KPNA4: variants seen among roughly 807,000 people sequenced by gnomAD.
The protein encoded by KPNA4 is karyopherin subunit alpha 4.
A neutral mutation model predicts 71.3 loss-of-function variants in KPNA4; 13 were observed. The observed-to-expected ratio is 0.18, with a 90% CI of 0.12 to 0.29. The LOEUF (loss-of-function observed/expected upper bound fraction) is 0.29, where lower values mean the gene tolerates loss of function less well. Ranked by LOEUF, KPNA4 falls within the 10% of genes least tolerant of loss-of-function variation. The probability of loss-of-function intolerance (pLI) is 1.00; values close to 1 mark genes in which losing one functional copy is unlikely to be tolerated. For synonymous variants in KPNA4, 189 were observed against 195.2 expected (o/e 0.97, Z 0.26); for missense variants, 334 against 603.2 (o/e 0.55, Z 4.67).
intron 15 of KPNA4, among the ~76,000 whole-genome samples, chr3:160,505,286 T>C (rs1199677089): frequency 6.6e-6 from 1 of 152,128 alleles, no homozygotes; most frequent in Non-Finnish European, 1.5e-5. Flanking sequence ...TACAAATAAG[T>C]GTATAAATAA....
In KPNA4 at chr3:160,495,642, A is replaced by T. The variant is rs1384157087; in HGVS notation, c.*6462T>A. 1 of 151,874 alleles carries T rather than the reference A, an allele frequency of 6.6e-6. No homozygotes were observed. The highest frequency in any genetic ancestry group is 1.5e-5 in the Non-Finnish European group (1 of 68,010). The allele number at this position is 151,874 out of a possible 1,614,324, so 9.4% of individuals were successfully genotyped here. A position where few individuals can be genotyped will look rare whatever the true frequency, so the allele number is the denominator to read the frequency against. ...TGCTAAAGACCACTCAACTGAATAT[A>T]ATACTGACATGGCAGAAGTGCGAGT... On this transcript the variant is annotated 3_prime_UTR_variant, in exon 17 of 17. Coordinates refer to ENST00000334256, the MANE Select transcript of KPNA4 (RefSeq NM_002268.5).
At chr3:160,504,292 T>TA (rs1258082183) in intron 16 of KPNA4, among the ~76,000 whole-genome samples, 1 of 152,188 alleles carries the variant, frequency 6.6e-6, no homozygotes, top group East Asian at 1.9e-4. Flanking sequence ...AGGCATGCAG[T>TA]AAAAGACTTA....
At chr3:160,552,372 T>TAA (rs1722057591) in intron 1 of KPNA4, among the ~76,000 whole-genome samples, 1 of 152,090 alleles carries the variant, frequency 6.6e-6, no homozygotes, top group Non-Finnish European at 1.5e-5. Flanking sequence ...ACCTTAAAAA[T>TAA]AAAAATTCTA....
intron 1 of KPNA4, among the ~76,000 whole-genome samples, chr3:160,539,995 T>TTTC (rs1266966029): frequency 7.8e-6 from 1 of 127,976 alleles, no homozygotes; most frequent in Non-Finnish European, 1.7e-5. Flanking sequence ...TTCTTTTTCT[T>TTTC]TTCTTTTTTT....
chr3:160,522,919 T>G (rs1331792243), intron 10 of KPNA4, among the ~76,000 whole-genome samples: 4 of 151,402 alleles, frequency 2.6e-5, no homozygotes, highest in Non-Finnish European at 5.9e-5. Flanking sequence ...CAACTTCTAC[T>G]AAGTAGCCTA....
intron 1 of KPNA4, among the ~76,000 whole-genome samples, chr3:160,558,308 C>T (rs977380911): frequency 2.0e-5 from 3 of 152,154 alleles, no homozygotes; most frequent in African/African-American, 7.2e-5. Context: ...TGGATTATGG[C>T]ACACAGAGGT....
chr3:160,541,698 C>A (rs1025965459), intron 1 of KPNA4, among the ~76,000 whole-genome samples: 2 of 150,696 alleles, frequency 1.3e-5, no homozygotes, highest in Non-Finnish European at 3.0e-5. Context: ...CCCTCCCCAA[C>A]ATGAGTTAAC....
intron 10 of KPNA4, among the ~76,000 whole-genome samples, chr3:160,523,985 A>G (rs763625368): frequency 1.2e-4 from 18 of 152,252 alleles, no homozygotes; most frequent in Non-Finnish European, 2.6e-4. Context: ...GACATAGGCC[A>G]AAAATTTCAA....
At chr3:160,560,370 CAG>C (rs1722219322) in intron 1 of KPNA4, among the ~76,000 whole-genome samples, 1 of 151,936 alleles carries the variant, frequency 6.6e-6, no homozygotes. Flanking sequence ...AGTAGGTGCT[CAG>C]AAAGTTCCCT....
At chr3:160,554,565 C>CG (rs949141826) in intron 1 of KPNA4, among the ~76,000 whole-genome samples, 2 of 151,890 alleles carry the variant, frequency 1.3e-5, no homozygotes, top group Admixed American at 6.6e-5. Flanking sequence ...ACTGGTGACT[C>CG]GGGGGGGCCC....
intron 7 of KPNA4, among the ~76,000 whole-genome samples, 172 bp downstream of exon 7, chr3:160,530,683 A>G (rs556234691): frequency 3.3e-5 from 5 of 152,346 alleles, no homozygotes; most frequent in African/African-American, 9.6e-5. Context: ...AAAAAACATC[A>G]GTCACCAGAA....
chr3:160,506,168 AT>A (rs1720979046), intron 15 of KPNA4, among the ~76,000 whole-genome samples: 1 of 150,246 alleles, frequency 6.7e-6, no homozygotes, highest in Non-Finnish European at 1.5e-5. Context: ...TATATACTTT[AT>A]TTTATTTTAT....
intron 11 of KPNA4, among the ~76,000 whole-genome samples, chr3:160,517,680 T>C (rs745490597): frequency 6.6e-6 from 1 of 152,104 alleles, no homozygotes; most frequent in South Asian, 2.1e-4. Context: ...AGTATCTCAC[T>C]GTGGCTTTAA....
intron 7 of KPNA4, among the ~76,000 whole-genome samples, chr3:160,530,076 A>G (rs954510824): frequency 2.8e-5 from 4 of 144,350 alleles, no homozygotes; most frequent in African/African-American, 5.1e-5. Flanking sequence ...TGGAGCTTGC[A>G]GTGAGCCGAG....
chr3:160,522,932 A>AT (rs200072253), intron 10 of KPNA4, among the ~76,000 whole-genome samples: 56 of 151,136 alleles, frequency 3.7e-4, no homozygotes, highest in African/African-American at 1.2e-3. Context: ...GTAGCCTACC[A>AT]TTTTTTTTAA....
chr3:160,556,499 G>C (rs552718923), intron 1 of KPNA4, among the ~76,000 whole-genome samples: 2 of 152,170 alleles, frequency 1.3e-5, no homozygotes, highest in East Asian at 1.9e-4. Flanking sequence ...TTGTTTATTG[G>C]TCTTAATTAA....
At chr3:160,528,873 C>G (rs974501516) in intron 7 of KPNA4, among the ~76,000 whole-genome samples, 8 of 152,168 alleles carry the variant, frequency 5.3e-5, no homozygotes, top group Non-Finnish European at 8.8e-5. Context: ...CTTTAAAAAG[C>G]ACTATTTAAG....
intron 16 of KPNA4, among the ~76,000 whole-genome samples, chr3:160,502,883 G>C (rs573649821): frequency 9.9e-5 from 15 of 152,142 alleles, no homozygotes; most frequent in Non-Finnish European, 2.1e-4. Flanking sequence ...GGCTGAGACG[G>C]GTGGATCACC....
chr3:160,536,180 A>G (rs946976629), intron 2 of KPNA4, among the ~76,000 whole-genome samples: 16 of 152,144 alleles, frequency 1.1e-4, no homozygotes, highest in African/African-American at 3.4e-4. Flanking sequence ...TGACTAAAAA[A>G]TATAGTGTAC....
Sources: gnomAD v4.1 joint callset for allele counts (sites outside exome capture counted in the v4.1 genomes callset) on GRCh38, gnomAD v4.1.1 for gene constraint, MANE v1.5 for transcripts, NCBI Gene and HGNC (gene_info 2026-07-23, HGNC 2026-07-21) for gene names.